PAK5: variants seen among roughly 807,000 people sequenced by gnomAD.
PAK5 encodes p21 (RAC1) activated kinase 5.
A neutral mutation model predicts 65.9 loss-of-function variants in PAK5; 16 were observed. The ratio of observed to expected loss-of-function variants is 0.24; its 90% CI spans 0.16 to 0.37. The LOEUF is 0.37. Ranked by LOEUF, PAK5 falls within the 10% of genes least tolerant of loss-of-function variation. PAK5 has a pLI of 1.00. For synonymous variants in PAK5, 371 were observed against 354.9 expected, an observed-to-expected ratio of 1.05 and a Z score of -0.51; for missense variants, 785 against 903.9, an observed-to-expected ratio of 0.87 and a Z score of 1.69.
intron 1 of PAK5, among the ~76,000 whole-genome samples, chr20:9,718,714 G>C (rs190896163): frequency 6.6e-6 from 1 of 152,218 alleles, no homozygotes; most frequent in East Asian, 1.9e-4. Flanking sequence ...GTCTTTACTA[G>C]GATAGAACCT....
intron 3 of PAK5, among the ~76,000 whole-genome samples, chr20:9,585,089 G>T (rs890619137): frequency 6.6e-6 from 1 of 152,148 alleles, no homozygotes; most frequent in East Asian, 1.9e-4. Flanking sequence ...AACTATATTA[G>T]ATTTTTTTCA....
At position 9,690,846 on chromosome 20, in the gene PAK5, C is replaced by T. The variant is rs536976347; in HGVS notation, c.-12+20440G>A. ...TAGGCTCACTGCAACCTCCTCTTCCCGGGCTCAAGTGATTCTCCTGCCTCA... is the reference window on the plus strand; with the variant it reads ...TAGGCTCACTGCAACCTCCTCTTCCTGGGCTCAAGTGATTCTCCTGCCTCA... On this transcript the variant is annotated intron_variant, in intron 2 of 9. Transcript: ENST00000353224. Among the ~76,000 whole-genome samples, 34 of 150,538 alleles carry T rather than the reference C, an allele frequency of 2.3e-4. 2 individuals carry two copies. In the South Asian group the frequency reaches 6.3e-3, roughly 28 times the overall value.
chr20:9,582,204 A>G (rs576268761), intron 3 of PAK5, among the ~76,000 whole-genome samples: 1 of 152,290 alleles, frequency 6.6e-6, no homozygotes, highest in African/African-American at 2.4e-5. Context: ...CCATGTTCCT[A>G]TAGATTTCAT....
chr20:9,601,130 T>C (rs1476270475), intron 3 of PAK5, among the ~76,000 whole-genome samples: 1 of 152,176 alleles, frequency 6.6e-6, no homozygotes, highest in Non-Finnish European at 1.5e-5. Flanking sequence ...CCTTAGTAAA[T>C]GGGGCTTTAT....
chr20:9,706,093 A>G (rs533434105), intron 2 of PAK5, among the ~76,000 whole-genome samples: 3 of 152,286 alleles, frequency 2.0e-5, no homozygotes, highest in South Asian at 4.1e-4. Context: ...ACCATCTCAC[A>G]TACATACTGC....
At chr20:9,747,350 C>T (rs1347984915) in intron 1 of PAK5, among the ~76,000 whole-genome samples, 1 of 151,988 alleles carries the variant, frequency 6.6e-6, no homozygotes, top group African/African-American at 2.4e-5. Context: ...CCAGCATCAT[C>T]CTGATACCAA....
chr20:9,666,602 T>C (rs1365576000), intron 2 of PAK5, among the ~76,000 whole-genome samples: 1 of 152,168 alleles, frequency 6.6e-6, no homozygotes, highest in East Asian at 1.9e-4. Context: ...CCAAGTGGCC[T>C]TCTTACTTCT....
chr20:9,705,422 C>T (rs1462995217), intron 2 of PAK5, among the ~76,000 whole-genome samples: 2 of 152,092 alleles, frequency 1.3e-5, no homozygotes, highest in African/African-American at 2.4e-5. Flanking sequence ...GAACACCAGG[C>T]ATGAGGAGAA....
chr20:9,553,922 T>C (rs1440964641), intron 7 of PAK5, among the ~76,000 whole-genome samples: 2 of 152,194 alleles, frequency 1.3e-5, no homozygotes, highest in Non-Finnish European at 1.5e-5. Flanking sequence ...GAAAAAGAAC[T>C]GCCAAAGTAT....
At chr20:9,816,858 C>T (rs1159790988) in intron 1 of PAK5, among the ~76,000 whole-genome samples, 1 of 152,148 alleles carries the variant, frequency 6.6e-6, no homozygotes, top group East Asian at 1.9e-4. Flanking sequence ...ATTTTTTCTA[C>T]TGTAACCATT....
At chr20:9,697,322 A>G (rs1047618480) in intron 2 of PAK5, among the ~76,000 whole-genome samples, 5 of 152,066 alleles carry the variant, frequency 3.3e-5, no homozygotes, top group African/African-American at 1.2e-4. Flanking sequence ...AAATTTCATT[A>G]CAGCCCTTCT....
chr20:9,597,336 T>C (rs564911180), intron 3 of PAK5, among the ~76,000 whole-genome samples: 5 of 152,240 alleles, frequency 3.3e-5, no homozygotes, highest in Non-Finnish European at 5.9e-5. Flanking sequence ...AACAATCTGA[T>C]AGGTGCTTAC....
chr20:9,643,605 T>TAC, intron 3 of PAK5, among the ~76,000 whole-genome samples: 1 of 152,288 alleles, frequency 6.6e-6, no homozygotes, highest in South Asian at 2.1e-4. Flanking sequence ...TGTGTATATA[T>TAC]ACACACATAT....
intron 6 of PAK5, among the ~76,000 whole-genome samples, chr20:9,558,180 G>A (rs976067581): frequency 1.3e-5 from 2 of 151,522 alleles, no homozygotes; most frequent in Admixed American, 1.3e-4. Context: ...GCACAATCTC[G>A]GCTCACTGCA....
At chr20:9,837,558 C>T (rs1250955853) in intron 1 of PAK5, among the ~76,000 whole-genome samples, 1 of 152,198 alleles carries the variant, frequency 6.6e-6, no homozygotes, top group Non-Finnish European at 1.5e-5. Context: ...TCTAAGGTGG[C>T]ACAGCTGTTA....
At chr20:9,548,396 A>C (rs936416155) in intron 7 of PAK5, among the ~76,000 whole-genome samples, 1 of 151,318 alleles carries the variant, frequency 6.6e-6, no homozygotes, top group African/African-American at 2.4e-5. Context: ...TTATTATTAT[A>C]CTTTAAGTTT....
intron 2 of PAK5, among the ~76,000 whole-genome samples, chr20:9,657,080 A>G (rs1463457804): frequency 6.6e-6 from 1 of 152,180 alleles, no homozygotes; most frequent in African/African-American, 2.4e-5. Context: ...CACCAGCACA[A>G]TCAGTGTATA....
At chr20:9,679,164 G>C (rs2423416) in intron 2 of PAK5, among the ~76,000 whole-genome samples, 84,125 of 152,052 alleles carry the variant, frequency 0.55, 25,773 homozygotes, top group African/African-American at 0.84. Context: ...ATTTTCTCTT[G>C]CCTGTAATTT....
At chr20:9,581,461 T>C (rs943892051) in intron 3 of PAK5, among the ~76,000 whole-genome samples, 1 of 152,204 alleles carries the variant, frequency 6.6e-6, no homozygotes, top group African/African-American at 2.4e-5. Context: ...GAAGACATAA[T>C]AACTGAGGTT....
Sources: gnomAD v4.1 joint callset for allele counts (sites outside exome capture counted in the v4.1 genomes callset) on GRCh38, gnomAD v4.1.1 for gene constraint, MANE v1.5 for transcripts, NCBI Gene and HGNC (gene_info 2026-07-23, HGNC 2026-07-21) for gene names.